HACE1: variants seen among roughly 807,000 people sequenced by gnomAD.
HACE1 encodes E3 ubiquitin-protein ligase HACE1.
Under a neutral mutation model 118.4 loss-of-function variants are expected in HACE1, and 73 were observed. The observed-to-expected ratio is 0.62, with a 90% CI of 0.51 to 0.75. HACE1 has a LOEUF of 0.75. Ranked by LOEUF, HACE1 falls within the 30% of genes least tolerant of loss-of-function variation. The pLI, the probability that HACE1 is intolerant of heterozygous loss-of-function variation, is 0.00. For synonymous variants in HACE1, 368 were observed against 374.8 expected, an observed-to-expected ratio of 0.98 and a Z score of 0.21; for missense variants, 749 against 1,102.2, an observed-to-expected ratio of 0.68 and a Z score of 4.54.
intron 19 of HACE1, among the ~76,000 whole-genome samples, chr6:104,759,911 C>T (rs1420900993): frequency 6.6e-6 from 1 of 152,188 alleles, no homozygotes; most frequent in Non-Finnish European, 1.5e-5. Flanking sequence ...TCAGAGAATA[C>T]TATAAACATC....
chr6:104,857,171 TTATTTACATATA>T (rs1054845485), intron 1 of HACE1, among the ~76,000 whole-genome samples: 144 of 147,576 alleles, frequency 9.8e-4, no homozygotes, highest in East Asian at 2.3e-3. Flanking sequence ...ATATATATAT[TTATTTACATATA>T]TATTTACATA....
chr6:104,845,871 T>C (rs1582757538), intron 4 of HACE1: 1 of 152,338 alleles, frequency 6.6e-6, no homozygotes, highest in East Asian at 1.9e-4. Flanking sequence ...TCAATAATCA[T>C]GAGACCACAA....
At chr6:104,791,410 C>A (rs568919331) in intron 11 of HACE1, 94 bp downstream of exon 11, 2 of 1,142,578 alleles carry the variant, frequency 1.8e-6, no homozygotes, top group East Asian at 2.3e-5. Context: ...AAACTTACAA[C>A]CTGTTCATGA....
chr6:104,788,098 G>A (rs530966831), intron 11 of HACE1, among the ~76,000 whole-genome samples: 62 of 151,982 alleles, frequency 4.1e-4, no homozygotes, highest in African/African-American at 1.5e-3. Flanking sequence ...TCTAACTATG[G>A]TAGCAGCCAC....
chr6:104,735,485 G>T lies in HACE1; in HGVS notation c.2514-5069C>A, dbSNP rs1392639465. On this transcript the variant is annotated intron_variant, in intron 22 of 23. Coordinates refer to ENST00000262903, the MANE Select transcript of HACE1 (RefSeq NM_020771.4). ...GCCTCTACTAAAAATACAAAAATTA[G>T]CCATGCATGGTGGCGGGTGCCTATA... Among the ~76,000 whole-genome samples the T allele has an allele frequency of 1.3e-5, 2 of 152,166 alleles. 1 individual carries two copies. The highest frequency in any genetic ancestry group is 6.8e-3 in the Middle Eastern group (2 of 294).
chr6:104,767,357 A>G (rs1780124217), intron 19 of HACE1, among the ~76,000 whole-genome samples: 1 of 152,006 alleles, frequency 6.6e-6, no homozygotes, highest in Non-Finnish European at 1.5e-5. Context: ...TTATCCTCAA[A>G]AGCTTAAAAG....
At chr6:104,845,231 A>G (rs1002011362) in intron 4 of HACE1, among the ~76,000 whole-genome samples, 7 of 152,046 alleles carry the variant, frequency 4.6e-5, no homozygotes, top group African/African-American at 2.4e-5. Context: ...GGATTATATC[A>G]TATTTCTTTA....
intron 3 of HACE1, 138 bp from the exon 4 acceptor site, chr6:104,849,384 T>C: frequency 1.5e-6 from 1 of 688,510 alleles, no homozygotes. Flanking sequence ...TCGCCCATGC[T>C]GGAGTGCAGT....
intron 20 of HACE1, among the ~76,000 whole-genome samples, chr6:104,745,185 CA>C (rs891521819): frequency 2.5e-4 from 38 of 151,498 alleles, no homozygotes; most frequent in African/African-American, 8.7e-4. Context: ...TCTCCAAAGT[CA>C]AAAAAAATGC....
intron 2 of HACE1, 87 bp downstream of exon 2, chr6:104,852,220 TGTGTGTGTGC>T (rs1776292564): frequency 2.2e-5 from 16 of 713,602 alleles, no homozygotes; most frequent in Admixed American, 5.9e-5. Flanking sequence ...TGTGTGTGTG[TGTGTGTGTGC>T]GCGCGTGCGC....
chr6:104,742,688 A>T (rs1776905416), intron 22 of HACE1, among the ~76,000 whole-genome samples: 1 of 151,580 alleles, frequency 6.6e-6, no homozygotes, highest in African/African-American at 2.4e-5. Flanking sequence ...ATGTGGAGAA[A>T]CAGGAACACT....
chr6:104,730,387 T>C lies in HACE1; in HGVS notation c.2543A>G (p.Asn848Ser). ...SSRVPHGGFA[N>S]IMGGSGLQNF... ...TTGCAATCCACTTCCACCCATGATA[T>C]TAGCAAACCCACCATGTGGGACCCT... Residue 848 changes from asparagine (N) to serine (S), a missense_variant, in exon 23 of 24, where the codon AAT becomes AGT. Coordinates refer to ENST00000262903, the MANE Select transcript of HACE1 (RefSeq NM_020771.4). 1 of 1,580,246 alleles carries C rather than the reference T, an allele frequency of 6.3e-7. No individual in the cohort carries two copies. Among genetic ancestry groups the C allele is most frequent in the Non-Finnish European group, 8.7e-7 (1 of 1,149,024 alleles).
chr6:104,729,691 A>G lies in HACE1; in HGVS notation c.2701T>C (p.Cys901Arg). The change falls in exon 24 of 24, where the codon TGT becomes CGT. Residue 901 changes from cysteine (C) to arginine (R), a missense_variant. Around this residue, in one of 5 missense-constraint regions of HACE1, gnomAD observed 165 missense variants for 229.9 expected, o/e 0.72. Transcript: ENST00000262903. ...LKDRLLVALHCGSYGYTMA is the reference protein window; with the variant it reads ...LKDRLLVALHRGSYGYTMA ...GCCATTGTGTAACCATAGCTGCCAC[A>G]ATGTAGTGCCACAAGAAGTCTGTCC... The G allele has an allele frequency of 6.4e-7, 1 of 1,563,038 alleles. No homozygotes were observed. The highest frequency in any genetic ancestry group is 8.8e-7 in the Non-Finnish European group (1 of 1,133,502).
intron 14 of HACE1, among the ~76,000 whole-genome samples, chr6:104,781,816 C>G (rs1164970177): frequency 6.6e-6 from 1 of 152,034 alleles, no homozygotes; most frequent in Non-Finnish European, 1.5e-5. Flanking sequence ...TAATCACATC[C>G]AAACTCCAAA....
intron 7 of HACE1, among the ~76,000 whole-genome samples, chr6:104,800,778 C>A (rs533276771): frequency 9.7e-4 from 148 of 152,256 alleles, no homozygotes; most frequent in Middle Eastern, 3.4e-3. Flanking sequence ...GCAGAAAAGC[C>A]GAAAATTCTA....
At chr6:104,750,537 ATTAT>A (rs1252495500) in intron 19 of HACE1, 65 bp from the exon 20 acceptor site, 1 of 1,381,012 alleles carries the variant, frequency 7.2e-7, no homozygotes, top group Non-Finnish European at 1.0e-6. Flanking sequence ...TGTTAATATA[ATTAT>A]TTCTTATTTA....
At chr6:104,855,480 G>A (rs1776631156) in intron 1 of HACE1, among the ~76,000 whole-genome samples, 1 of 151,920 alleles carries the variant, frequency 6.6e-6, no homozygotes, top group African/African-American at 2.4e-5. Flanking sequence ...AAAATAAAAA[G>A]ATAATATATC....
In HACE1 at chr6:104,813,169, T is replaced by C. The variant is rs1043624190; in HGVS notation, c.535-1776A>G. 5.8e-5 allele frequency among the ~76,000 whole-genome samples: 8 copies of C among 138,316 alleles called. 1 individual carries two copies. Among genetic ancestry groups the C allele is most frequent in the South Asian group, 2.2e-4 (1 of 4,468 alleles). 90.7% of individuals were successfully genotyped at this position (138,316 alleles called of 152,430 possible). On this transcript the variant is annotated intron_variant, in intron 6 of 23. Coordinates refer to ENST00000262903, the MANE Select transcript of HACE1 (RefSeq NM_020771.4). ...GCATCAGAAAAGAATCTTACAGATA[T>C]TGGCATTAGAAAGTCCCCAGTGAAA...
rs150020878 is a variant in HACE1 at position 104,852,086 on chromosome 6, T to C, written c.131+231A>G. Among the ~76,000 whole-genome samples the C allele has an allele frequency of 9.4e-4, 143 of 152,308 alleles. 1 individual carries two copies. The highest frequency in any genetic ancestry group is 2.5e-3 in the Admixed American group (38 of 15,302). On this transcript the variant is annotated intron_variant, in intron 2 of 23. Transcript: ENST00000262903. ...CAATATTCATTAAGAAAATCTATCA[T>C]AAAATGTTACAGCTCATATAGATCT...
Sources: allele counts gnomAD v4.1 joint callset (sites outside exome capture counted in the v4.1 genomes callset), GRCh38; gene constraint gnomAD v4.1.1; regional missense constraint gnomAD v4.1.1; transcripts MANE v1.5; gene names NCBI Gene and HGNC (gene_info 2026-07-23, HGNC 2026-07-21).